IGF1R: variants seen among roughly 807,000 people sequenced by gnomAD.
IGF1R encodes the protein insulin like growth factor 1 receptor.
In IGF1R, 44 loss-of-function variants were observed where a neutral mutation model predicts 144.6. The observed-to-expected ratio is 0.30, with a 90% CI of 0.24 to 0.39. The LOEUF is 0.39. Among genes scored for constraint, IGF1R ranks in the 10% least tolerant of loss-of-function variants. The pLI is 1.00. For synonymous variants in IGF1R, 795 were observed against 722.8 expected, an observed-to-expected ratio of 1.10 and a Z score of -1.60; for missense variants, 1,355 against 1,833.7, an observed-to-expected ratio of 0.74 and a Z score of 4.77.
At position 98,649,175 on chromosome 15, in the gene IGF1R, G is replaced by T. The variant is rs1302661384; in HGVS notation, c.-407G>T. 1.4e-5 allele frequency: 3 copies of T among 218,836 alleles called. No individual in the cohort carries two copies. In the Admixed American group the frequency reaches 1.7e-4, roughly 13 times the overall value. The allele number at this position is 218,836 out of a possible 1,614,324, so 13.6% of individuals were successfully genotyped here. ...GCGGCGGAAGCTCGGGCGTCCGGCCGCCTCCCGCGCGGCCAGGGCCGGGCT... is the reference window on the plus strand; with the variant it reads ...GCGGCGGAAGCTCGGGCGTCCGGCCTCCTCCCGCGCGGCCAGGGCCGGGCT... On this transcript the variant is annotated 5_prime_UTR_variant, in exon 1 of 21. Coordinates refer to ENST00000650285, the MANE Select transcript of IGF1R (RefSeq NM_000875.5).
At chr15:98,873,030 C>T (rs2012867774) in intron 2 of IGF1R, among the ~76,000 whole-genome samples, 1 of 152,082 alleles carries the variant, frequency 6.6e-6, no homozygotes, top group African/African-American at 2.4e-5. Flanking sequence ...GGAATGCTAC[C>T]TCGCGTCATC....
At chr15:98,746,278 A>G (rs571038395) in intron 2 of IGF1R, among the ~76,000 whole-genome samples, 19 of 152,266 alleles carry the variant, frequency 1.2e-4, no homozygotes, top group Non-Finnish European at 7.4e-5. Flanking sequence ...GGAGTGACAC[A>G]CCTCAGTGTA....
intron 2 of IGF1R, among the ~76,000 whole-genome samples, chr15:98,886,902 C>G (rs990195565): frequency 2.0e-5 from 3 of 152,152 alleles, no homozygotes; most frequent in African/African-American, 7.2e-5. Context: ...GTGAGGGGAG[C>G]ATGGTGTCCG....
At chr15:98,771,924 G>A (rs2055596324) in intron 2 of IGF1R, among the ~76,000 whole-genome samples, 1 of 151,200 alleles carries the variant, frequency 6.6e-6, no homozygotes. Flanking sequence ...TTTTTAAATA[G>A]GTAGGGAGGC....
intron 20 of IGF1R, among the ~76,000 whole-genome samples, chr15:98,949,670 A>C (rs1480316114): frequency 6.6e-6 from 1 of 152,168 alleles, no homozygotes; most frequent in Non-Finnish European, 1.5e-5. Context: ...CGCACCTGGC[A>C]ACCCCACTTA....
intron 10 of IGF1R, 102 bp downstream of exon 10, chr15:98,916,978 G>T (rs746656610): frequency 3.2e-6 from 3 of 944,732 alleles, no homozygotes; most frequent in South Asian, 1.4e-5. Context: ...CAGCTGGGGG[G>T]TACAATACAG....
At chr15:98,720,582 A>G (rs942900096) in intron 2 of IGF1R, among the ~76,000 whole-genome samples, 5 of 152,200 alleles carry the variant, frequency 3.3e-5, no homozygotes, top group African/African-American at 1.2e-4. Context: ...AAAGTTCCAG[A>G]GAGCTTACTG....
At chr15:98,869,288 A>G (rs1250681741) in intron 2 of IGF1R, among the ~76,000 whole-genome samples, 1 of 125,092 alleles carries the variant, frequency 8.0e-6, no homozygotes, top group Non-Finnish European at 1.6e-5. Context: ...ACAGCTTTCA[A>G]TTAAAAAAAA....
rs1006078516 is a variant in IGF1R, at chr15:98,957,477, G to C, written c.*35G>C. The C allele has an allele frequency of 1.5e-5, 24 of 1,611,716 alleles. No individual in the cohort carries two copies. The highest frequency in any genetic ancestry group is 1.9e-5 in the Non-Finnish European group (23 of 1,179,794). Reference sequence around the variant, plus strand: ...CCTGAATCTGTGCAAACAGTAACGTGTGCGCACGCGCAGCGGGGTGGGGGG... The same window carrying C: ...CCTGAATCTGTGCAAACAGTAACGTCTGCGCACGCGCAGCGGGGTGGGGGG... On this transcript the variant is annotated 3_prime_UTR_variant, in exon 21 of 21. Transcript: ENST00000650285.
At chr15:98,853,151 A>C (rs1308328887) in intron 2 of IGF1R, among the ~76,000 whole-genome samples, 1 of 152,118 alleles carries the variant, frequency 6.6e-6, no homozygotes, top group Non-Finnish European at 1.5e-5. Flanking sequence ...GTTTTATTCC[A>C]CGATGGGTCT....
chr15:98,896,655 C>A (rs998132045), intron 3 of IGF1R, 102 bp from the exon 4 acceptor site: 2 of 1,206,700 alleles, frequency 1.7e-6, no homozygotes, highest in Non-Finnish European at 2.4e-6. Context: ...TTTTCTAATG[C>A]ATGCTGTAAT....
chr15:98,691,721 T>C (rs2053481520), intron 1 of IGF1R, among the ~76,000 whole-genome samples: 1 of 152,148 alleles, frequency 6.6e-6, no homozygotes, highest in Non-Finnish European at 1.5e-5. Flanking sequence ...ACCACAGAGC[T>C]GAAATGCCCT....
chr15:98,783,354 T>C (rs2055902679), intron 2 of IGF1R, among the ~76,000 whole-genome samples: 1 of 152,232 alleles, frequency 6.6e-6, no homozygotes, highest in Non-Finnish European at 1.5e-5. Context: ...TAACCTGTTC[T>C]CTCTATATAA....
Position 98,891,461 on chromosome 15 carries a change from C to T in IGF1R, c.777C>T (p.Val259=). 1 of 1,614,150 alleles carries T rather than the reference C, an allele frequency of 6.2e-7. No homozygotes were observed. The highest frequency in any genetic ancestry group is 8.5e-7 in the Non-Finnish European group (1 of 1,180,040). ...VACRHYYYAG[V]CVPACPPNTY... is the part of the protein sequence containing the mutation. ...GCCGCCACTACTACTATGCCGGTGT[C>T]TGTGTGCCTGCCTGCCCGCCCAACA... is the stretch of plus-strand genomic sequence containing the variant. The change falls in exon 3 of 21, where the codon GTC becomes GTT. Residue 259 remains valine, a synonymous_variant. Transcript: ENST00000650285. The surrounding 1 kb of genome is among the most constrained non-coding windows in gnomAD (Gnocchi z 4.7).
chr15:98,761,415 A>T (rs1288301411), intron 2 of IGF1R, among the ~76,000 whole-genome samples: 1 of 152,212 alleles, frequency 6.6e-6, no homozygotes, highest in Non-Finnish European at 1.5e-5. Context: ...ATGGACATGG[A>T]CGGGGAAGCA....
chr15:98,731,097 C>T (rs4966019), intron 2 of IGF1R, among the ~76,000 whole-genome samples: 81,632 of 152,052 alleles, frequency 0.54, 23,213 homozygotes, highest in Non-Finnish European at 0.63. Context: ...CCTATGAGAT[C>T]CAAACTGTTG....
At chr15:98,731,788 G>A (rs980862318) in intron 2 of IGF1R, among the ~76,000 whole-genome samples, 5 of 152,176 alleles carry the variant, frequency 3.3e-5, no homozygotes, top group African/African-American at 1.2e-4. Context: ...GCCGTGAGCC[G>A]GTTGGTCTAG....
chr15:98,796,158 C>T (rs563388231), intron 2 of IGF1R, among the ~76,000 whole-genome samples: 3 of 91,230 alleles, frequency 3.3e-5, no homozygotes, highest in Admixed American at 1.3e-4. Flanking sequence ...GCTGTGTGGG[C>T]CCAGCATCGT....
Position 98,924,658 on chromosome 15 carries a change from C to A in IGF1R, c.2756C>A (p.Pro919His), listed in dbSNP as rs2015633715. Residue 919 changes from proline (P) to histidine (H), a missense_variant, in exon 13 of 21, where the codon CCT (proline) becomes CAT (histidine). Transcript: ENST00000650285. ...SLSGNGSWTD[P>H]VFFYVQAKTG... ...TCTGGGAATGGGTCGTGGACAGATC[C>A]TGTGTTCTTCTATGTCCAGGCCAAA... The A allele has an allele frequency of 2.5e-6, 4 of 1,614,174 alleles. No homozygotes were observed. The highest frequency in any genetic ancestry group is 3.4e-6 in the Non-Finnish European group (4 of 1,180,016).
Sources: gnomAD v4.1 joint callset for allele counts (sites outside exome capture counted in the v4.1 genomes callset) on GRCh38, gnomAD v4.1.1 for gene constraint, Gnocchi (gnomAD v3.1) non-coding constraint, MANE v1.5 for transcripts, NCBI Gene and HGNC (gene_info 2026-07-23, HGNC 2026-07-21) for gene names.